Variants in THSD7B observed in about 807,000 individuals in gnomAD.
THSD7B encodes thrombospondin type 1 domain containing 7B, also known as thrombospondin type-1 domain-containing protein 7B.
Under a neutral mutation model 213.6 loss-of-function variants are expected in THSD7B, and 138 were observed. The ratio of observed to expected loss-of-function variants is 0.65; its 90% CI spans 0.56 to 0.74. THSD7B has a LOEUF of 0.74. Among genes scored for constraint, THSD7B ranks in the 30% least tolerant of loss-of-function variants. The probability of loss-of-function intolerance (pLI) is 0.00; values close to 1 mark genes in which losing one functional copy is unlikely to be tolerated. For synonymous variants in THSD7B, 742 were observed against 687.0 expected, an observed-to-expected ratio of 1.08 and a Z score of -1.25; for missense variants, 1,931 against 1,991.5, an observed-to-expected ratio of 0.97 and a Z score of 0.58.
At chr2:137,667,651 T>G in intron 26 of THSD7B, 123 bp from the exon 27 acceptor site, 1 of 699,014 alleles carries the variant, frequency 1.4e-6, no homozygotes, top group African/African-American at 1.8e-5. Context: ...TTGGCTAAAG[T>G]GCTGCTGTTC....
At chr2:137,169,447 GA>G (rs568307496) in intron 6 of THSD7B, among the ~76,000 whole-genome samples, 152 of 151,964 alleles carry the variant, frequency 1.0e-3, no homozygotes, top group Middle Eastern at 3.4e-3. Context: ...ACTTTTTCAT[GA>G]GAGAGATGTT....
chr2:136,861,154 T>C (rs1683254345), intron 1 of THSD7B, among the ~76,000 whole-genome samples: 1 of 152,150 alleles, frequency 6.6e-6, no homozygotes, highest in Admixed American at 6.5e-5. Flanking sequence ...GTAGCATGAG[T>C]GAGATTTGCT....
chr2:136,998,916 ACACACACACACAC>A (rs1685948616), intron 2 of THSD7B, among the ~76,000 whole-genome samples: 4 of 85,702 alleles, frequency 4.7e-5, no homozygotes, highest in Admixed American at 1.1e-4. Flanking sequence ...ACAGACACAC[ACACACACACACAC>A]ACACACACAC....
intron 7 of THSD7B, among the ~76,000 whole-genome samples, chr2:137,217,399 G>A (rs1681273545): frequency 6.6e-6 from 1 of 152,116 alleles, no homozygotes; most frequent in South Asian, 2.1e-4. Flanking sequence ...CTGTGTACCT[G>A]TTACTTTAAT....
chr2:137,221,716 A>G (rs971610015), intron 7 of THSD7B, among the ~76,000 whole-genome samples: 2 of 152,190 alleles, frequency 1.3e-5, no homozygotes, highest in African/African-American at 4.8e-5. Context: ...TAGTTAAATA[A>G]ATTACCATAC....
At chr2:137,165,529 G>C (rs963093608) in intron 6 of THSD7B, among the ~76,000 whole-genome samples, 4 of 152,028 alleles carry the variant, frequency 2.6e-5, no homozygotes, top group Non-Finnish European at 2.9e-5. Flanking sequence ...ATTCTACTGT[G>C]AGTAGAATCA....
intron 17 of THSD7B, among the ~76,000 whole-genome samples, chr2:137,585,852 G>A (rs1681712708): frequency 6.6e-6 from 1 of 152,144 alleles, no homozygotes; most frequent in East Asian, 1.9e-4. Context: ...ATGTCTATTA[G>A]GTCCGCTTGG....
intron 2 of THSD7B, among the ~76,000 whole-genome samples, chr2:137,018,101 A>G (rs1274685505): frequency 2.6e-5 from 4 of 151,974 alleles, no homozygotes; most frequent in Non-Finnish European, 5.9e-5. Context: ...TTGAAAATGT[A>G]AGTCTTCAAT....
intron 12 of THSD7B, among the ~76,000 whole-genome samples, chr2:137,312,837 T>G (rs987180929): frequency 5.3e-5 from 8 of 152,170 alleles, no homozygotes; most frequent in Non-Finnish European, 7.4e-5. Context: ...TTCTTAATCC[T>G]GAGTTCTAAT....
intron 16 of THSD7B, among the ~76,000 whole-genome samples, chr2:137,565,623 A>G (rs1259796517): frequency 6.6e-6 from 1 of 152,170 alleles, no homozygotes; most frequent in African/African-American, 2.4e-5. Flanking sequence ...TTAGAGTGAC[A>G]TATTCAAACC....
intron 17 of THSD7B, among the ~76,000 whole-genome samples, chr2:137,582,401 A>C (rs776332001): frequency 6.6e-6 from 1 of 152,148 alleles, no homozygotes; most frequent in Non-Finnish European, 1.5e-5. Flanking sequence ...GAGGTTTGTT[A>C]CATATGTATC....
At chr2:137,580,247 G>A (rs182104770) in intron 17 of THSD7B, among the ~76,000 whole-genome samples, 1 of 151,816 alleles carries the variant, frequency 6.6e-6, no homozygotes, top group African/African-American at 2.4e-5. Flanking sequence ...TATTTTTGCT[G>A]TACCCAGTTA....
At chr2:137,388,275 G>T (rs1425570888) in intron 12 of THSD7B, among the ~76,000 whole-genome samples, 1 of 151,854 alleles carries the variant, frequency 6.6e-6, no homozygotes, top group Non-Finnish European at 1.5e-5. Context: ...TGCAAGGTAG[G>T]TATTATTACT....
chr2:137,113,472 C>T (rs576606936), intron 4 of THSD7B, among the ~76,000 whole-genome samples: 44 of 152,062 alleles, frequency 2.9e-4, no homozygotes, highest in African/African-American at 9.2e-4. Flanking sequence ...GTTTTGCTCT[C>T]GTTGCCCAGG....
intron 1 of THSD7B, among the ~76,000 whole-genome samples, chr2:136,839,462 A>G (rs778195): frequency 0.78 from 118,219 of 152,100 alleles, 47,052 homozygotes; most frequent in Non-Finnish European, 0.87. Flanking sequence ...TTGTAGTAAT[A>G]ATAATAAAAT....
rs930376676 is a variant in THSD7B, at chr2:137,056,645, G to A, written c.365G>A (p.Gly122Asp). Residue 122 changes from glycine (G) to aspartate (D), a missense_variant, in exon 3 of 28, where the codon GGT (glycine) becomes GAT (aspartate). Gly to Asp is a moderately conservative substitution (Grantham distance 94). Transcript: ENST00000409968. ...TGTGTGCTTGTTCCTTACGCTCGCG[G>A]TGAAGTCAAGCCTCGGACTGCAGAG... ...HHCVLVPYAR[G>D]EVKPRTAECV... 1.2e-6 allele frequency: 2 copies of A among 1,613,852 alleles called. No homozygotes were observed. Among genetic ancestry groups the A allele is most frequent in the Non-Finnish European group, 1.7e-6 (2 of 1,179,890 alleles).
chr2:137,095,609 A>T (rs1688026154), intron 4 of THSD7B, among the ~76,000 whole-genome samples: 1 of 152,214 alleles, frequency 6.6e-6, no homozygotes, highest in Non-Finnish European at 1.5e-5. Flanking sequence ...TTCAAATCTT[A>T]CTGCCGCTAT....
At chr2:137,141,608 T>C (rs1041685022) in intron 5 of THSD7B, among the ~76,000 whole-genome samples, 1 of 152,058 alleles carries the variant, frequency 6.6e-6, no homozygotes, top group Admixed American at 6.6e-5. Context: ...TGTATTCTGG[T>C]TGTGCAAGAT....
chr2:137,563,252 G>T lies in THSD7B; in HGVS notation c.3170G>T (p.Cys1057Phe), dbSNP rs1681159628. 5.0e-6 allele frequency: 8 copies of T among 1,613,386 alleles called. No homozygotes were observed. Among genetic ancestry groups the T allele is most frequent in the Non-Finnish European group, 6.8e-6 (8 of 1,179,554 alleles). Reference sequence around the variant, plus strand: ...GAGGCAGTCCCATGTTACAGTGAGTGCAATCAGTATTCCTGGGTTGTAGAA... The same window carrying T: ...GAGGCAGTCCCATGTTACAGTGAGTTCAATCAGTATTCCTGGGTTGTAGAA... The part of the protein sequence containing the change: ...VHEAVPCYSE[C>F]NQYSWVVEHW... Residue 1057 changes from cysteine (C) to phenylalanine (F), a missense_variant, in exon 16 of 28, where the codon TGC (cysteine) becomes TTC (phenylalanine). Transcript: ENST00000409968.
Sources: gnomAD v4.1 joint callset for allele counts (sites outside exome capture counted in the v4.1 genomes callset) on GRCh38, gnomAD v4.1.1 for gene constraint, MANE v1.5 for transcripts, NCBI Gene and HGNC (gene_info 2026-07-23, HGNC 2026-07-21) for gene names.